Variants in PKIB observed in about 807,000 individuals in gnomAD.
The protein encoded by PKIB is cAMP-dependent protein kinase inhibitor beta.
PKIB carries 2 observed loss-of-function variants against 4.5 expected under a neutral mutation model. That is an observed-to-expected ratio of 0.44 (90% confidence interval 0.18 to 1.39). PKIB has a LOEUF of 1.39. PKIB is among the 40% of genes most tolerant of loss of function. The pLI, the probability that PKIB is intolerant of heterozygous loss-of-function variation, is 0.27. For synonymous variants in PKIB, 38 were observed against 36.0 expected, an observed-to-expected ratio of 1.06 and a Z score of -0.20; for missense variants, 94 against 92.6, an observed-to-expected ratio of 1.02 and a Z score of -0.06.
At chr6:122,492,515 C>T (rs192967339) in intron 2 of PKIB, among the ~76,000 whole-genome samples, 4 of 152,254 alleles carry the variant, frequency 2.6e-5, no homozygotes, top group African/African-American at 9.6e-5. Context: ...AATTCCTAGA[C>T]CAGAGTAATG....
chr6:122,492,125 CAGAACAGTGAGGGAGAGGTATG>C (rs1258277068), intron 2 of PKIB, among the ~76,000 whole-genome samples: 1 of 152,018 alleles, frequency 6.6e-6, no homozygotes, highest in African/African-American at 2.4e-5. Context: ...AGAGGGCCAC[CAGAACAGTGAGGGAGAGGTATG>C]AGAACATGTC....
At chr6:122,643,019 C>G (rs1233497142) in intron 2 of PKIB, among the ~76,000 whole-genome samples, 2 of 151,994 alleles carry the variant, frequency 1.3e-5, no homozygotes, top group African/African-American at 4.8e-5. Context: ...TTAGGTGTAC[C>G]TGGTAGGGGA....
chr6:122,640,718 A>T (rs1295171014), intron 2 of PKIB, among the ~76,000 whole-genome samples: 1 of 152,252 alleles, frequency 6.6e-6, no homozygotes, highest in East Asian at 1.9e-4. Flanking sequence ...AACATGAGAC[A>T]CATAAAGCAA....
At chr6:122,568,232 A>G (rs989900385) in intron 2 of PKIB, among the ~76,000 whole-genome samples, 3 of 152,232 alleles carry the variant, frequency 2.0e-5, no homozygotes, top group Admixed American at 2.0e-4. Context: ...ACTTGTTTAA[A>G]AAGATACATT....
Position 122,573,544 on chromosome 6 carries a change from G to GA in PKIB, c.-247-12367dup, listed in dbSNP as rs199878368. Among the ~76,000 whole-genome samples, 1,015 of 134,794 alleles carry GA rather than the reference G, an allele frequency of 7.5e-3. 14 individuals carry two copies. Among genetic ancestry groups the GA allele is most frequent in the South Asian group, 0.067 (283 of 4,232 alleles). The allele number at this position is 134,794 out of a possible 152,430, so 88.4% of individuals were successfully genotyped here. A position where few individuals can be genotyped will look rare whatever the true frequency, so the allele number is the denominator to read the frequency against. ...CTCAAAAAAAAAAAAAAAAGAAAAAGAAAAAAAAAAGAAGAAAAAAGAGAT... is the reference window on the plus strand; with the variant it reads ...CTCAAAAAAAAAAAAAAAAGAAAAAGAAAAAAAAAAAGAAGAAAAAAGAGAT... On this transcript the variant is annotated intron_variant, in intron 2 of 6. Coordinates refer to the PKIB transcript ENST00000392491.
At chr6:122,520,665 A>ACCCCCCC (rs10650320) in intron 2 of PKIB, among the ~76,000 whole-genome samples, 8 of 107,980 alleles carry the variant, frequency 7.4e-5, no homozygotes, top group Non-Finnish European at 1.1e-4. Flanking sequence ...TTATGTTCCC[A>ACCCCCCC]CCCCCCCCCC....
intron 1 of PKIB, among the ~76,000 whole-genome samples, chr6:122,610,853 T>C (rs1208684761): frequency 6.6e-6 from 1 of 152,092 alleles, no homozygotes; most frequent in Non-Finnish European, 1.5e-5. Flanking sequence ...GATGACCTCC[T>C]GTCACAAGTC....
upstream of PKIB, among the ~76,000 whole-genome samples, chr6:122,608,553 T>C (rs2114753217): frequency 6.6e-6 from 1 of 152,338 alleles, no homozygotes; most frequent in Non-Finnish European, 1.5e-5. Context: ...TAAATCTAAA[T>C]AGACAAAAGC....
intron 3 of PKIB, among the ~76,000 whole-genome samples, chr6:122,707,660 AT>A (rs913953633): frequency 1.3e-5 from 2 of 152,014 alleles, no homozygotes; most frequent in Non-Finnish European, 2.9e-5. Flanking sequence ...AGAAAATTTT[AT>A]TTTTTCAAAA....
At chr6:122,570,856 A>T (rs186637226) in intron 2 of PKIB, among the ~76,000 whole-genome samples, 1 of 152,154 alleles carries the variant, frequency 6.6e-6, no homozygotes, top group Non-Finnish European at 1.5e-5. Flanking sequence ...GTTCTGTAAC[A>T]CCCCCAAAAG....
At chr6:122,702,415 C>T (rs944349710) in intron 3 of PKIB, among the ~76,000 whole-genome samples, 5 of 150,070 alleles carry the variant, frequency 3.3e-5, no homozygotes, top group Admixed American at 1.3e-4. Flanking sequence ...CTGCAACCTC[C>T]ACCTCCTGGG....
intron 4 of PKIB, among the ~76,000 whole-genome samples, chr6:122,722,724 A>T (rs188310276): frequency 6.6e-6 from 1 of 152,286 alleles, no homozygotes; most frequent in Admixed American, 6.5e-5. Flanking sequence ...ACCAATTATG[A>T]TTGTTAGGGT....
intron 2 of PKIB, among the ~76,000 whole-genome samples, chr6:122,641,490 T>A (rs973929097): frequency 6.6e-6 from 1 of 152,150 alleles, no homozygotes; most frequent in Non-Finnish European, 1.5e-5. Context: ...CAGGAAAATA[T>A]GAATAAACTA....
intron 2 of PKIB, among the ~76,000 whole-genome samples, chr6:122,516,335 A>G (rs1357996392): frequency 3.3e-5 from 5 of 152,152 alleles, no homozygotes; most frequent in Admixed American, 3.3e-4. Flanking sequence ...TTGCTTTAAT[A>G]TAACTCCATA....
intron 2 of PKIB, among the ~76,000 whole-genome samples, chr6:122,517,343 TAAGTCTA>T (rs1197922775): frequency 6.6e-6 from 1 of 152,348 alleles, no homozygotes; most frequent in Non-Finnish European, 1.5e-5. Flanking sequence ...TGTTCTTTTA[TAAGTCTA>T]ATGCTTTTAG....
chr6:122,517,812 A>G (rs986284000), intron 2 of PKIB, among the ~76,000 whole-genome samples: 3 of 152,228 alleles, frequency 2.0e-5, no homozygotes, highest in African/African-American at 7.2e-5. Context: ...ATCCTAGAAA[A>G]CATAGCATTC....
At chr6:122,674,049 C>T (rs1303895961) in intron 2 of PKIB, among the ~76,000 whole-genome samples, 1 of 152,076 alleles carries the variant, frequency 6.6e-6, no homozygotes, top group Non-Finnish European at 1.5e-5. Flanking sequence ...AGAAATAAAG[C>T]ACAGGATTCT....
At chr6:122,534,188 T>C (rs1440079982) in intron 2 of PKIB, among the ~76,000 whole-genome samples, 2 of 149,480 alleles carry the variant, frequency 1.3e-5, no homozygotes, top group East Asian at 3.9e-4. Context: ...TAATATATTA[T>C]ATACAATTGA....
intron 2 of PKIB, among the ~76,000 whole-genome samples, chr6:122,659,293 G>A (rs969039965): frequency 6.6e-6 from 1 of 152,124 alleles, no homozygotes; most frequent in Non-Finnish European, 1.5e-5. Context: ...CGTACATGTG[G>A]ATACTCTTTA....
Sources: allele counts gnomAD v4.1 joint callset (sites outside exome capture counted in the v4.1 genomes callset), GRCh38; gene constraint gnomAD v4.1.1; transcripts MANE v1.5; gene names NCBI Gene and HGNC (gene_info 2026-07-23, HGNC 2026-07-21).